The following MTUS2 variants were observed in gnomAD, a reference collection of about 807,000 sequenced individuals.
MTUS2 encodes the protein microtubule associated scaffold protein 2, also known as microtubule-associated tumor suppressor candidate 2.
MTUS2 carries 40 observed loss-of-function variants against 114.1 expected under a neutral mutation model. That is an observed-to-expected ratio of 0.35 (90% confidence interval 0.27 to 0.46). The LOEUF (loss-of-function observed/expected upper bound fraction) is 0.46. MTUS2 is among the 20% of genes least tolerant of loss of function. The pLI is 1.00. For synonymous variants in MTUS2, 688 were observed against 672.0 expected, an observed-to-expected ratio of 1.02 and a Z score of -0.37; for missense variants, 1,679 against 1,705.4, an observed-to-expected ratio of 0.98 and a Z score of 0.27.
intron 4 of MTUS2, among the ~76,000 whole-genome samples, chr13:29,039,965 T>G (rs1465797790): frequency 6.6e-6 from 1 of 152,196 alleles, no homozygotes; most frequent in Non-Finnish European, 1.5e-5. Context: ...TAATTTCTCT[T>G]TATTTTTGAA....
intron 7 of MTUS2, among the ~76,000 whole-genome samples, chr13:29,336,002 T>C (rs4769012): frequency 0.81 from 122,957 of 152,088 alleles, 50,622 homozygotes; most frequent in East Asian, 0.9. Context: ...GTGTGTTTCA[T>C]GAAGTTCTTG....
intron 5 of MTUS2, among the ~76,000 whole-genome samples, chr13:29,144,917 G>A (rs1357805596): frequency 6.6e-6 from 1 of 152,174 alleles, no homozygotes; most frequent in Non-Finnish European, 1.5e-5. Flanking sequence ...GTCTGCCACA[G>A]TCATATACTA....
At chr13:29,019,322 C>A (rs1296234974) in intron 2 of MTUS2, among the ~76,000 whole-genome samples, 1 of 152,084 alleles carries the variant, frequency 6.6e-6, no homozygotes, top group Admixed American at 6.5e-5. Context: ...GCTGTTTTGT[C>A]CCCTGCTGTG....
At chr13:28,932,460 G>A (rs1881669837) in intron 2 of MTUS2, among the ~76,000 whole-genome samples, 3 of 152,266 alleles carry the variant, frequency 2.0e-5, no homozygotes, top group South Asian at 2.1e-4. Context: ...AATACCCCAC[G>A]GTACTGAGAG....
At chr13:29,139,518 T>G (rs1326563520) in intron 5 of MTUS2, among the ~76,000 whole-genome samples, 1 of 152,110 alleles carries the variant, frequency 6.6e-6, no homozygotes, top group African/African-American at 2.4e-5. Flanking sequence ...TGCTAAATTC[T>G]AATATCTAAT....
intron 6 of MTUS2, among the ~76,000 whole-genome samples, chr13:29,295,810 A>C (rs1224536393): frequency 1.3e-5 from 2 of 152,198 alleles, no homozygotes; most frequent in South Asian, 4.1e-4. Flanking sequence ...CTTACATGAC[A>C]GCAGTCAAGG....
At chr13:28,999,088 T>C (rs1885260692) in intron 2 of MTUS2, among the ~76,000 whole-genome samples, 1 of 152,216 alleles carries the variant, frequency 6.6e-6, no homozygotes, top group African/African-American at 2.4e-5. Context: ...TCCTTTCTGT[T>C]TGTTAGTTTT....
intron 6 of MTUS2, 102 bp downstream of exon 6, chr13:29,281,967 A>T: frequency 7.9e-7 from 1 of 1,266,628 alleles, no homozygotes; most frequent in East Asian, 2.4e-5. Context: ...TTTAGAAGGG[A>T]TGATTGATTA....
At chr13:29,075,508 T>C (rs971287459) in intron 4 of MTUS2, among the ~76,000 whole-genome samples, 1 of 152,260 alleles carries the variant, frequency 6.6e-6, no homozygotes, top group African/African-American at 2.4e-5. Context: ...CTAAGCTGAC[T>C]GTTTCTGCTA....
chr13:29,148,334 CT>C (rs1892521858), intron 5 of MTUS2, among the ~76,000 whole-genome samples: 1 of 151,942 alleles, frequency 6.6e-6, no homozygotes, highest in African/African-American at 2.4e-5. Flanking sequence ...CATCCATTAG[CT>C]GTTCTTCCTG....
At chr13:29,456,912 C>T (rs190907113) in intron 9 of MTUS2, among the ~76,000 whole-genome samples, 55 of 151,492 alleles carry the variant, frequency 3.6e-4, no homozygotes, top group Middle Eastern at 3.4e-3. Flanking sequence ...CTGAGGCGGG[C>T]GAATCACGAG....
At chr13:29,008,040 C>A (rs949031528) in intron 2 of MTUS2, among the ~76,000 whole-genome samples, 1 of 152,324 alleles carries the variant, frequency 6.6e-6, no homozygotes, top group Middle Eastern at 3.4e-3. Flanking sequence ...ACATCCCCCC[C>A]ACTGGAGTTA....
intron 1 of MTUS2, among the ~76,000 whole-genome samples, chr13:28,821,411 C>G (rs902462539): frequency 1.3e-5 from 2 of 152,176 alleles, no homozygotes; most frequent in African/African-American, 4.8e-5. Context: ...TGTATACTTT[C>G]TAGTTTTCAA....
At chr13:28,894,370 G>A (rs1375735138) in intron 2 of MTUS2, among the ~76,000 whole-genome samples, 167 of 142,402 alleles carry the variant, frequency 1.2e-3, no homozygotes, top group African/African-American at 3.9e-3. Context: ...GAGAGAGAGA[G>A]AGAACAGAGC....
At chr13:29,216,508 G>A (rs1895688330) in intron 5 of MTUS2, among the ~76,000 whole-genome samples, 2 of 152,170 alleles carry the variant, frequency 1.3e-5, no homozygotes, top group East Asian at 1.9e-4. Context: ...GGTGGTGCAG[G>A]CACATGAGGG....
At chr13:29,163,726 T>G (rs3011462) in intron 5 of MTUS2, among the ~76,000 whole-genome samples, 143,363 of 152,154 alleles carry the variant, frequency 0.94, 68,042 homozygotes, top group Non-Finnish European at 1. Context: ...AGGGCACTCC[T>G]GAGCGAGCGC....
At chr13:29,390,856 C>T (rs915428726) in intron 8 of MTUS2, among the ~76,000 whole-genome samples, 1 of 151,730 alleles carries the variant, frequency 6.6e-6, no homozygotes, top group Non-Finnish European at 1.5e-5. Context: ...GACCTTGGCT[C>T]ACTGCAACCT....
chr13:29,026,991 C>T, intron 3 of MTUS2, 88 bp downstream of exon 3: 1 of 1,321,150 alleles, frequency 7.6e-7, no homozygotes, highest in Non-Finnish European at 1.0e-6. Flanking sequence ...AGTAAAATGT[C>T]CTCTTTAAGT....
intron 4 of MTUS2, among the ~76,000 whole-genome samples, chr13:29,038,637 C>A (rs1325829639): frequency 6.6e-6 from 1 of 152,230 alleles, no homozygotes; most frequent in East Asian, 1.9e-4. Flanking sequence ...GAAGCTGCAC[C>A]CACAGCTGCC....
Sources: allele counts gnomAD v4.1 joint callset (sites outside exome capture counted in the v4.1 genomes callset), GRCh38; gene constraint gnomAD v4.1.1; transcripts MANE v1.5; gene names NCBI Gene and HGNC (gene_info 2026-07-23, HGNC 2026-07-21).